The following CDKAL1 variants were observed in gnomAD, a reference collection of about 807,000 sequenced individuals.
CDKAL1 encodes CDKAL1 threonylcarbamoyladenosine tRNA methylthiotransferase.
Under a neutral mutation model 68.2 loss-of-function variants are expected in CDKAL1, and 32 were observed. The ratio of observed to expected loss-of-function variants is 0.47; its 90% CI spans 0.35 to 0.63. The LOEUF is 0.63. Ranked by LOEUF, CDKAL1 falls within the 30% of genes least tolerant of loss-of-function variation. The probability of loss-of-function intolerance (pLI) is 0.00; values close to 1 mark genes in which losing one functional copy is unlikely to be tolerated. For synonymous variants in CDKAL1, 234 were observed against 244.3 expected (o/e 0.96, Z 0.39); for missense variants, 606 against 696.7 (o/e 0.87, Z 1.47).
At chr6:20,732,362 G>T (rs1264696624) in intron 5 of CDKAL1, among the ~76,000 whole-genome samples, 1 of 141,040 alleles carries the variant, frequency 7.1e-6, no homozygotes, top group Non-Finnish European at 1.5e-5. Context: ...TGCAACCTCT[G>T]CCTCCGGGGT....
At chr6:20,597,703 TCA>T (rs1462711082) in intron 4 of CDKAL1, among the ~76,000 whole-genome samples, 1 of 152,154 alleles carries the variant, frequency 6.6e-6, no homozygotes, top group South Asian at 2.1e-4. Flanking sequence ...GCGTGAGCCA[TCA>T]CACACAGCCC....
At chr6:21,138,579 T>C (rs1285147425) in intron 13 of CDKAL1, among the ~76,000 whole-genome samples, 1 of 152,198 alleles carries the variant, frequency 6.6e-6, no homozygotes, top group Non-Finnish European at 1.5e-5. Context: ...GAAATACAAC[T>C]CTGAAAACAA....
chr6:20,824,580 T>C (rs1460362057), intron 8 of CDKAL1, among the ~76,000 whole-genome samples: 1 of 152,212 alleles, frequency 6.6e-6, no homozygotes, highest in East Asian at 1.9e-4. Context: ...CCATGTGGCC[T>C]GCTCCATAGG....
intron 4 of CDKAL1, among the ~76,000 whole-genome samples, chr6:20,562,942 A>T (rs1413071803): frequency 6.6e-6 from 1 of 152,196 alleles, no homozygotes; most frequent in African/African-American, 2.4e-5. Context: ...ACCTAGTTCC[A>T]TTTGACAGAA....
chr6:20,982,024 T>C (rs189152046), intron 10 of CDKAL1, among the ~76,000 whole-genome samples: 1 of 152,172 alleles, frequency 6.6e-6, no homozygotes, highest in Admixed American at 6.5e-5. Flanking sequence ...AATCACTTTT[T>C]CTCACCTAAG....
rs753018766 is a variant in CDKAL1, at chr6:20,830,062, C to T, written c.639-16013C>T. Among the ~76,000 whole-genome samples, 4 of 152,134 alleles carry T rather than the reference C, an allele frequency of 2.6e-5. No homozygotes were observed. In the East Asian group the frequency reaches 7.8e-4, roughly 29 times the overall value. ...GTAGAGACGGGGTTTCACCATGTTG[C>T]CCAGGCTGGTCTTGAACTCCTGGCC... On this transcript the variant is annotated intron_variant, in intron 8 of 15. Coordinates refer to ENST00000274695, the MANE Select transcript of CDKAL1 (RefSeq NM_017774.3).
rs1308497849 is a variant in CDKAL1, at chr6:21,111,179, A to G, written c.1299+2716A>G. ...AACTATGGTCTGCTCCTGGGAGTGA[A>G]TGTTGTGACGGTTTGCCTCTCTAGC... On this transcript the variant is annotated intron_variant, in intron 13 of 15. Transcript: ENST00000274695. 5.9e-5 allele frequency among the ~76,000 whole-genome samples: 9 copies of G among 152,130 alleles called. No individual in the cohort carries two copies. In the East Asian group the frequency reaches 1.7e-3, roughly 29 times the overall value.
At chr6:21,205,858 A>G (rs1222543411) in intron 15 of CDKAL1, among the ~76,000 whole-genome samples, 42 of 93,938 alleles carry the variant, frequency 4.5e-4, no homozygotes, top group African/African-American at 1.4e-3. Context: ...TTTTTGAGAC[A>G]GAGTCTTGCT....
chr6:21,083,497 G>T (rs919969512), intron 12 of CDKAL1, among the ~76,000 whole-genome samples: 1 of 152,282 alleles, frequency 6.6e-6, no homozygotes, highest in East Asian at 1.9e-4. Flanking sequence ...AACAATTTCA[G>T]AATGGGTTAC....
At chr6:20,600,576 A>T (rs1220519582) in intron 4 of CDKAL1, among the ~76,000 whole-genome samples, 1 of 151,966 alleles carries the variant, frequency 6.6e-6, no homozygotes, top group African/African-American at 2.4e-5. Flanking sequence ...AACAAACATG[A>T]GTTCTTGAAT....
At chr6:21,227,934 G>A (rs1779812335) in intron 15 of CDKAL1, among the ~76,000 whole-genome samples, 2 of 152,172 alleles carry the variant, frequency 1.3e-5, no homozygotes, top group African/African-American at 4.8e-5. Flanking sequence ...CCAAGAAGGC[G>A]CAGTACCTGC....
chr6:20,592,732 G>A (rs1765646585), intron 4 of CDKAL1, among the ~76,000 whole-genome samples: 1 of 152,124 alleles, frequency 6.6e-6, no homozygotes, highest in Admixed American at 6.5e-5. Flanking sequence ...TTCCCAAAGT[G>A]CTGGGATTAC....
chr6:20,713,819 C>A (rs1436754740), intron 5 of CDKAL1, among the ~76,000 whole-genome samples: 1 of 151,892 alleles, frequency 6.6e-6, no homozygotes, highest in South Asian at 2.1e-4. Flanking sequence ...CACAAGTTAC[C>A]ACAAGATAAA....
intron 10 of CDKAL1, among the ~76,000 whole-genome samples, chr6:20,993,148 G>A (rs560370215): frequency 6.6e-6 from 1 of 152,150 alleles, no homozygotes. Flanking sequence ...GTTTGTTTTG[G>A]GGGAAGGAAA....
At chr6:20,881,070 C>A (rs1429675129) in intron 9 of CDKAL1, among the ~76,000 whole-genome samples, 1 of 152,220 alleles carries the variant, frequency 6.6e-6, no homozygotes, top group Non-Finnish European at 1.5e-5. Context: ...CATTACTATT[C>A]ATTAAACAGA....
chr6:21,102,381 C>T (rs1773621988), intron 12 of CDKAL1, among the ~76,000 whole-genome samples: 1 of 152,186 alleles, frequency 6.6e-6, no homozygotes, highest in African/African-American at 2.4e-5. Context: ...CCAAGGTAAA[C>T]ATCAGACCTG....
At chr6:20,729,478 G>A (rs910414413) in intron 5 of CDKAL1, among the ~76,000 whole-genome samples, 5 of 152,148 alleles carry the variant, frequency 3.3e-5, no homozygotes, top group Admixed American at 2.0e-4. Context: ...TTTACATCCT[G>A]TTCTATAACT....
intron 9 of CDKAL1, among the ~76,000 whole-genome samples, chr6:20,892,157 A>C (rs1761443331): frequency 6.6e-6 from 1 of 152,252 alleles, no homozygotes; most frequent in Non-Finnish European, 1.5e-5. Context: ...TAAAGGATGC[A>C]GTCAGCAAAA....
chr6:20,985,824 A>T (rs1766423429), intron 10 of CDKAL1, among the ~76,000 whole-genome samples: 1 of 152,038 alleles, frequency 6.6e-6, no homozygotes, highest in Admixed American at 6.6e-5. Flanking sequence ...ACAACTTTTA[A>T]GACTTCCCTT....
Sources: allele counts gnomAD v4.1 joint callset (sites outside exome capture counted in the v4.1 genomes callset), GRCh38; gene constraint gnomAD v4.1.1; transcripts MANE v1.5; gene names NCBI Gene and HGNC (gene_info 2026-07-23, HGNC 2026-07-21).